The following KHDRBS2 variants were observed in gnomAD, a reference collection of about 807,000 sequenced individuals.
KHDRBS2 encodes the protein KH RNA binding domain containing, signal transduction associated 2, also known as KH domain-containing, RNA-binding, signal transduction-associated protein 2.
KHDRBS2 carries 26 observed loss-of-function variants against 44.3 expected under a neutral mutation model. The observed-to-expected ratio is 0.59, with a 90% CI of 0.43 to 0.81. KHDRBS2 has a LOEUF of 0.81. Ranked by LOEUF, KHDRBS2 falls within the 40% of genes least tolerant of loss-of-function variation. KHDRBS2 has a pLI of 0.00. For missense variants in KHDRBS2, 476 were observed against 433.1 expected (o/e 1.10, Z -0.88); for synonymous variants, 194 against 151.1 (o/e 1.28, Z -2.08).
At chr6:62,259,073 T>C (rs1028968410) in intron 1 of KHDRBS2, among the ~76,000 whole-genome samples, 5 of 152,040 alleles carry the variant, frequency 3.3e-5, no homozygotes, top group African/African-American at 1.2e-4. Context: ...CAAAAGAGGA[T>C]GTATTTCAAA....
chr6:62,162,855 T>C (rs1817929137), intron 2 of KHDRBS2, among the ~76,000 whole-genome samples: 1 of 152,026 alleles, frequency 6.6e-6, no homozygotes, highest in Non-Finnish European at 1.5e-5. Flanking sequence ...GTTTTTGACA[T>C]GACCAAGTAA....
the KHDRBS2 span, among the ~76,000 whole-genome samples, chr6:61,670,948 C>T: frequency 6.6e-6 from 1 of 151,658 alleles, no homozygotes; most frequent in East Asian, 2.0e-4. Context: ...CTGCACTCTC[C>T]CACATAGCTG....
chr6:62,088,448 A>C (rs1798835700), intron 2 of KHDRBS2, among the ~76,000 whole-genome samples: 1 of 152,164 alleles, frequency 6.6e-6, no homozygotes, highest in Non-Finnish European at 1.5e-5. Flanking sequence ...TCCTTCTAAC[A>C]GTCAGGCCCT....
chr6:62,066,739 C>T (rs1204028040), intron 2 of KHDRBS2, among the ~76,000 whole-genome samples: 8 of 151,486 alleles, frequency 5.3e-5, no homozygotes, highest in Non-Finnish European at 1.2e-4. Flanking sequence ...GACATAGAAG[C>T]AAATGAAACA....
chr6:61,811,150 C>T (rs1788053451), intron 6 of KHDRBS2, among the ~76,000 whole-genome samples: 1 of 152,030 alleles, frequency 6.6e-6, no homozygotes, highest in Non-Finnish European at 1.5e-5. Context: ...TTGTTTCCAT[C>T]TTTATGCCCT....
At chr6:61,635,567 C>T in the KHDRBS2 span, among the ~76,000 whole-genome samples, 29,448 of 151,670 alleles carry the variant, frequency 0.19, 3,338 homozygotes, top group South Asian at 0.33. Context: ...TTTGTCCTGC[C>T]CTAATGTTTC....
At chr6:61,728,388 G>A (rs1415497499) in intron 7 of KHDRBS2, among the ~76,000 whole-genome samples, 2 of 151,898 alleles carry the variant, frequency 1.3e-5, no homozygotes, top group South Asian at 2.1e-4. Flanking sequence ...AACCAGCATG[G>A]CACTTGTTTA....
chr6:61,652,755 G>T, the KHDRBS2 span, among the ~76,000 whole-genome samples: 1 of 152,036 alleles, frequency 6.6e-6, no homozygotes, highest in African/African-American at 2.4e-5. Context: ...TCCTGTGTGG[G>T]TGACCAAAAT....
chr6:61,810,162 A>T (rs771437136), intron 6 of KHDRBS2, among the ~76,000 whole-genome samples: 1 of 152,038 alleles, frequency 6.6e-6, no homozygotes, highest in Non-Finnish European at 1.5e-5. Flanking sequence ...GTGGGTCACC[A>T]GTGAGTGTCC....
At chr6:61,571,218 G>A in the KHDRBS2 span, among the ~76,000 whole-genome samples, 17 of 152,034 alleles carry the variant, frequency 1.1e-4, no homozygotes, top group Admixed American at 9.8e-4. Flanking sequence ...TGGTAAAGGG[G>A]TGGAAAAAGA....
intron 4 of KHDRBS2, among the ~76,000 whole-genome samples, chr6:61,954,837 T>TGG (rs1765957704): frequency 1.6e-5 from 1 of 62,920 alleles, no homozygotes; most frequent in African/African-American, 8.0e-5. Flanking sequence ...CATGCATATG[T>TGG]ATGTATACAT....
intron 6 of KHDRBS2, among the ~76,000 whole-genome samples, chr6:61,884,147 T>C (rs1800588214): frequency 6.6e-6 from 1 of 152,094 alleles, no homozygotes; most frequent in African/African-American, 2.4e-5. Context: ...TTTTAAGGAC[T>C]ATTGATTTAC....
intron 4 of KHDRBS2, among the ~76,000 whole-genome samples, chr6:61,908,708 A>G (rs1805507006): frequency 6.6e-6 from 1 of 152,084 alleles, no homozygotes. Flanking sequence ...GGAAAACTAG[A>G]ATAGTACAAA....
intron 1 of KHDRBS2, among the ~76,000 whole-genome samples, chr6:62,264,930 T>C (rs1838947686): frequency 1.3e-5 from 2 of 151,820 alleles, no homozygotes; most frequent in Non-Finnish European, 2.9e-5. Flanking sequence ...GAATAGCTAG[T>C]ATCCTGTTTC....
intron 4 of KHDRBS2, among the ~76,000 whole-genome samples, chr6:61,945,113 G>T (rs6149615): frequency 4.0e-4 from 6 of 14,990 alleles, no homozygotes; most frequent in East Asian, 5.6e-3. Flanking sequence ...AAAAAAAAAA[G>T]TATATATATA....
At chr6:62,164,139 T>C (rs1818204227) in intron 2 of KHDRBS2, among the ~76,000 whole-genome samples, 1 of 151,926 alleles carries the variant, frequency 6.6e-6, no homozygotes, top group African/African-American at 2.4e-5. Context: ...CGTTTTAAGA[T>C]ATGATATGCT....
chr6:62,098,689 G>C (rs1298871139), intron 2 of KHDRBS2, among the ~76,000 whole-genome samples: 1 of 152,022 alleles, frequency 6.6e-6, no homozygotes, highest in Non-Finnish European at 1.5e-5. Flanking sequence ...ATATTTCTCT[G>C]GGTTTGAGAA....
intron 1 of KHDRBS2, among the ~76,000 whole-genome samples, chr6:62,186,661 G>A (rs1016936080): frequency 2.6e-5 from 4 of 151,912 alleles, no homozygotes; most frequent in African/African-American, 9.7e-5. Context: ...GTATAAATTT[G>A]CTGAAACTAT....
intron 7 of KHDRBS2, among the ~76,000 whole-genome samples, chr6:61,721,012 C>T (rs574644915): frequency 2.0e-5 from 3 of 151,172 alleles, no homozygotes; most frequent in Admixed American, 6.6e-5. Context: ...GCCAGTTTTC[C>T]CAGCACCATT....
Sources: gnomAD v4.1 joint callset for allele counts (sites outside exome capture counted in the v4.1 genomes callset) on GRCh38, gnomAD v4.1.1 for gene constraint, MANE v1.5 for transcripts, NCBI Gene and HGNC (gene_info 2026-07-23, HGNC 2026-07-21) for gene names.